LRMDA: variants seen among roughly 807,000 people sequenced by gnomAD.
The protein encoded by LRMDA is leucine-rich melanocyte differentiation-associated protein.
Under a neutral mutation model 29.8 loss-of-function variants are expected in LRMDA, and 18 were observed. That is an observed-to-expected ratio of 0.60 (90% CI 0.42 to 0.90). The LOEUF (loss-of-function observed/expected upper bound fraction) is 0.90. Among genes scored for constraint, LRMDA ranks in the 40% least tolerant of loss-of-function variants. LRMDA has a pLI of 0.00. For missense variants in LRMDA, 273 were observed against 273.9 expected (o/e 1.00, Z 0.02); for synonymous variants, 125 against 109.4 (o/e 1.14, Z -0.89).
intron 2 of LRMDA, among the ~76,000 whole-genome samples, chr10:75,625,409 G>A (rs558902713): frequency 6.6e-6 from 1 of 152,144 alleles, no homozygotes; most frequent in Non-Finnish European, 1.5e-5. Flanking sequence ...CCGAGAGTCC[G>A]TTTCTGTCTT....
At chr10:76,333,279 C>A (rs1472833681) in intron 6 of LRMDA, among the ~76,000 whole-genome samples, 1 of 152,096 alleles carries the variant, frequency 6.6e-6, no homozygotes, top group Non-Finnish European at 1.5e-5. Context: ...TATTTAAAAC[C>A]ATGCTGTAGG....
At chr10:76,401,489 G>A (rs945070201) in intron 6 of LRMDA, among the ~76,000 whole-genome samples, 1 of 152,146 alleles carries the variant, frequency 6.6e-6, no homozygotes, top group East Asian at 1.9e-4. Context: ...TGTGTTTTCT[G>A]AGTGAAGTCC....
At chr10:75,869,807 T>C (rs1338765071) in intron 2 of LRMDA, among the ~76,000 whole-genome samples, 1 of 152,192 alleles carries the variant, frequency 6.6e-6, no homozygotes, top group African/African-American at 2.4e-5. Flanking sequence ...CAGGCTCGCT[T>C]TTCTGTCCTG....
chr10:76,124,919 C>T (rs563418032), intron 5 of LRMDA, among the ~76,000 whole-genome samples: 40 of 152,290 alleles, frequency 2.6e-4, no homozygotes, highest in African/African-American at 9.4e-4. Context: ...TCATTTTTGT[C>T]TCAAAAGCAG....
chr10:75,484,919 A>T (rs1217723923), intron 2 of LRMDA, among the ~76,000 whole-genome samples: 1 of 152,248 alleles, frequency 6.6e-6, no homozygotes, highest in East Asian at 1.9e-4. Context: ...TTGTTATGGC[A>T]GCCAGAGCAG....
At chr10:75,966,394 C>T (rs1238225066) in intron 2 of LRMDA, among the ~76,000 whole-genome samples, 6 of 152,142 alleles carry the variant, frequency 3.9e-5, no homozygotes, top group African/African-American at 1.4e-4. Flanking sequence ...ATTCAACGAA[C>T]CCATACGCGG....
At chr10:75,916,162 C>CTG (rs1384225466) in intron 2 of LRMDA, among the ~76,000 whole-genome samples, 1 of 88,138 alleles carries the variant, frequency 1.1e-5, no homozygotes, top group Non-Finnish European at 2.4e-5. Flanking sequence ...ATTGCCAGGC[C>CTG]TATGTGTGTG....
At chr10:75,831,068 A>G (rs1182381241) in intron 2 of LRMDA, among the ~76,000 whole-genome samples, 1 of 151,530 alleles carries the variant, frequency 6.6e-6, no homozygotes, top group Non-Finnish European at 1.5e-5. Flanking sequence ...TTTTTGAGAC[A>G]GAGTTTCACT....
At chr10:75,793,646 A>T (rs147364555) in intron 2 of LRMDA, among the ~76,000 whole-genome samples, 2 of 152,270 alleles carry the variant, frequency 1.3e-5, no homozygotes, top group East Asian at 3.9e-4. Flanking sequence ...AAGAAAAGTG[A>T]TATGTTACTT....
chr10:75,903,453 C>G (rs1307167539), intron 2 of LRMDA, among the ~76,000 whole-genome samples: 1 of 152,180 alleles, frequency 6.6e-6, no homozygotes, highest in African/African-American at 2.4e-5. Context: ...AAGAAAGGAG[C>G]CATAAAAGCA....
intron 2 of LRMDA, among the ~76,000 whole-genome samples, chr10:75,503,339 C>A (rs796393251): frequency 2.6e-5 from 4 of 152,212 alleles, no homozygotes; most frequent in African/African-American, 9.6e-5. Context: ...TGTGGCTTCT[C>A]ATGCTGGAGA....
chr10:75,627,413 A>G (rs543550955), intron 2 of LRMDA, among the ~76,000 whole-genome samples: 1 of 152,332 alleles, frequency 6.6e-6, no homozygotes, highest in East Asian at 1.9e-4. Context: ...ATGGAAAAAG[A>G]TGATTTTTAG....
chr10:76,073,150 A>G (rs1848901375), intron 5 of LRMDA, among the ~76,000 whole-genome samples: 1 of 152,206 alleles, frequency 6.6e-6, no homozygotes, highest in Non-Finnish European at 1.5e-5. Flanking sequence ...TCAAAGATGA[A>G]AAGACCAAGG....
chr10:76,187,322 G>T lies in LRMDA; in HGVS notation c.516+128539G>T, dbSNP rs143454429. On this transcript the variant is annotated intron_variant, in intron 5 of 6. Transcript: ENST00000611255. The stretch of plus-strand genomic sequence containing the variant: ...AACCTTGAATCAGATTCTTTAAAAA[G>T]AATCACATTCTTTTTAAAATTAGTA... Among the ~76,000 whole-genome samples, 1,169 of 152,194 alleles carry T rather than the reference G, an allele frequency of 7.7e-3. 19 individuals are homozygous for T. The highest frequency in any genetic ancestry group is 0.026 in the African/African-American group (1,089 of 41,538).
At chr10:75,789,415 G>A (rs142710571) in intron 2 of LRMDA, among the ~76,000 whole-genome samples, 34 of 152,272 alleles carry the variant, frequency 2.2e-4, no homozygotes, top group African/African-American at 7.9e-4. Context: ...ATGTAGGGTC[G>A]ATATGAGTTG....
chr10:75,995,626 G>C (rs1847449048), intron 2 of LRMDA, among the ~76,000 whole-genome samples: 1 of 152,140 alleles, frequency 6.6e-6, no homozygotes, highest in Non-Finnish European at 1.5e-5. Flanking sequence ...GGCTTATATA[G>C]CTGGGATAAG....
rs139574399 is a variant in LRMDA at position 76,454,833 on chromosome 10, A to G, written c.602-102376A>G. 3.3e-4 allele frequency among the ~76,000 whole-genome samples: 50 copies of G among 152,272 alleles called. No individual in the cohort carries two copies. In the East Asian group the frequency reaches 6.4e-3, roughly 19 times the overall value. Reference sequence around the variant, plus strand: ...CACAGCAACAGGAAGAGGGTTAGGGATGTTGAGAGAAGGACAATTTGGGTG... The same window carrying G: ...CACAGCAACAGGAAGAGGGTTAGGGGTGTTGAGAGAAGGACAATTTGGGTG... On this transcript the variant is annotated intron_variant, in intron 6 of 6. Coordinates refer to ENST00000611255, the MANE Select transcript of LRMDA (RefSeq NM_001305581.2).
intron 2 of LRMDA, among the ~76,000 whole-genome samples, chr10:75,794,476 G>C (rs1262113380): frequency 6.6e-6 from 1 of 152,078 alleles, no homozygotes; most frequent in African/African-American, 2.4e-5. Flanking sequence ...GATCCTGGAG[G>C]GGGTGGGTAG....
intron 5 of LRMDA, among the ~76,000 whole-genome samples, chr10:76,285,487 G>T (rs750234978): frequency 4.6e-5 from 7 of 152,042 alleles, no homozygotes; most frequent in Non-Finnish European, 8.8e-5. Context: ...AGGTAGGAGG[G>T]TTTAATAAAA....
Sources: allele counts gnomAD v4.1 joint callset (sites outside exome capture counted in the v4.1 genomes callset), GRCh38; gene constraint gnomAD v4.1.1; transcripts MANE v1.5; gene names NCBI Gene and HGNC (gene_info 2026-07-23, HGNC 2026-07-21).